Variants in ZMYM2 observed in about 807,000 individuals in gnomAD.
ZMYM2 encodes zinc finger MYM-type protein 2.
Under a neutral mutation model 162.8 loss-of-function variants are expected in ZMYM2, and 56 were observed. That is an observed-to-expected ratio of 0.34 (90% CI 0.28 to 0.43). The LOEUF is 0.43. Ranked by LOEUF, ZMYM2 falls within the 20% of genes least tolerant of loss-of-function variation. The probability of loss-of-function intolerance (pLI) is 1.00; values close to 1 mark genes in which losing one functional copy is unlikely to be tolerated. For missense variants in ZMYM2, 1,275 were observed against 1,621.8 expected (o/e 0.79, Z 3.67); for synonymous variants, 510 against 541.6 (o/e 0.94, Z 0.81).
At chr13:19,939,365 C>G in the ZMYM2 span, among the ~76,000 whole-genome samples, 1 of 151,628 alleles carries the variant, frequency 6.6e-6, no homozygotes, top group Admixed American at 6.6e-5. Context: ...TAATACTTAT[C>G]TAAATTTAAA....
intron 2 of ZMYM2, among the ~76,000 whole-genome samples, chr13:19,983,999 A>G (rs1002236245): frequency 2.0e-5 from 3 of 152,194 alleles, no homozygotes; most frequent in African/African-American, 7.2e-5. Context: ...ATGAATACAT[A>G]CTGACTTATA....
chr13:20,018,551 C>G (rs771051226), intron 6 of ZMYM2, among the ~76,000 whole-genome samples: 5 of 152,124 alleles, frequency 3.3e-5, no homozygotes, highest in Non-Finnish European at 7.4e-5. Flanking sequence ...TTTATCTGTG[C>G]TCTCATTGCT....
chr13:19,959,187 G>T (rs1954873124), intron 1 of ZMYM2, among the ~76,000 whole-genome samples: 1 of 148,178 alleles, frequency 6.7e-6, no homozygotes, highest in African/African-American at 2.4e-5. Flanking sequence ...GCGGCGGGAC[G>T]GCGGGACGGC....
the ZMYM2 span, among the ~76,000 whole-genome samples, chr13:19,887,480 G>T: frequency 2.0e-5 from 3 of 151,226 alleles, no homozygotes; most frequent in South Asian, 6.2e-4. Context: ...AGTGAGCCGA[G>T]ATAGTGCCAC....
At chr13:20,058,761 A>AAT (rs1160546976) in intron 15 of ZMYM2, 57 bp downstream of exon 15, 1 of 1,593,000 alleles carries the variant, frequency 6.3e-7, no homozygotes, top group Non-Finnish European at 8.6e-7. Context: ...CACCTAATGA[A>AAT]ATACATGCTT....
At chr13:19,933,348 T>A in the ZMYM2 span, among the ~76,000 whole-genome samples, 1 of 152,210 alleles carries the variant, frequency 6.6e-6, no homozygotes, top group East Asian at 1.9e-4. Flanking sequence ...AGTGTTGTTG[T>A]TGTTGTAACT....
the ZMYM2 span, among the ~76,000 whole-genome samples, chr13:19,936,410 G>A: frequency 4.6e-5 from 7 of 152,256 alleles, no homozygotes; most frequent in East Asian, 1.4e-3. Flanking sequence ...ATTAGGAAGA[G>A]GTACGTAATT....
At chr13:20,010,222 G>A (rs79875954) in intron 6 of ZMYM2, among the ~76,000 whole-genome samples, 2,615 of 152,130 alleles carry the variant, frequency 0.017, 36 homozygotes, top group Middle Eastern at 0.051. Context: ...TTGAGACAGA[G>A]TCTCGCTCTG....
chr13:19,956,071 A>G (rs1469926937), upstream of ZMYM2, among the ~76,000 whole-genome samples: 1 of 152,242 alleles, frequency 6.6e-6, no homozygotes, highest in African/African-American at 2.4e-5. Flanking sequence ...CAGTTGTGCA[A>G]TCATTTCAGT....
chr13:19,953,682 CAA>C (rs35266783), upstream of ZMYM2, among the ~76,000 whole-genome samples: 299 of 75,302 alleles, frequency 4.0e-3, no homozygotes, highest in African/African-American at 0.015. Flanking sequence ...GACTCTGTCT[CAA>C]AAAAAAAAAA....
At chr13:19,957,463 T>C (rs1954612200), upstream of ZMYM2, among the ~76,000 whole-genome samples, 1 of 152,148 alleles carries the variant, frequency 6.6e-6, no homozygotes, top group African/African-American at 2.4e-5. Flanking sequence ...GTCTTGGAAA[T>C]GGTTCAGCAC....
the ZMYM2 span, among the ~76,000 whole-genome samples, chr13:19,942,922 GC>G: frequency 2.0e-5 from 3 of 152,060 alleles, no homozygotes; most frequent in African/African-American, 7.2e-5. Flanking sequence ...GGAATTACAT[GC>G]TAAAAGCTAT....
At chr13:19,928,978 T>C in the ZMYM2 span, among the ~76,000 whole-genome samples, 3 of 152,024 alleles carry the variant, frequency 2.0e-5, no homozygotes, top group Non-Finnish European at 4.4e-5. Context: ...ATTTATAGCT[T>C]TGGTTGAGAC....
chr13:20,075,096 G>A (rs1296388375), intron 21 of ZMYM2, among the ~76,000 whole-genome samples: 1 of 152,144 alleles, frequency 6.6e-6, no homozygotes, highest in East Asian at 1.9e-4. Context: ...GATAACTAAA[G>A]TAAACTTTCC....
intron 2 of ZMYM2, among the ~76,000 whole-genome samples, chr13:19,970,941 A>G (rs1336655800): frequency 2.0e-5 from 3 of 150,758 alleles, no homozygotes; most frequent in African/African-American, 7.4e-5. Flanking sequence ...AGCAGAGAAT[A>G]GACGGAAGCG....
At chr13:19,991,751 T>C (rs1949648346) in intron 2 of ZMYM2, among the ~76,000 whole-genome samples, 1 of 151,910 alleles carries the variant, frequency 6.6e-6, no homozygotes. Context: ...CTCTTCAGTC[T>C]CCTGAGTAGT....
At chr13:19,884,451 G>C in the ZMYM2 span, among the ~76,000 whole-genome samples, 5 of 152,178 alleles carry the variant, frequency 3.3e-5, no homozygotes, top group African/African-American at 1.2e-4. Flanking sequence ...GGCGGCGGGC[G>C]GCCGTGGTCC....
intron 3 of ZMYM2, among the ~76,000 whole-genome samples, chr13:19,996,890 CAAAT>C (rs970777708): frequency 7.2e-5 from 11 of 152,202 alleles, no homozygotes; most frequent in South Asian, 6.2e-4. Flanking sequence ...TTGTCTAAAA[CAAAT>C]AAAGAAAGCT....
intron 14 of ZMYM2, among the ~76,000 whole-genome samples, chr13:20,053,220 T>A (rs1955515170): frequency 6.6e-6 from 1 of 152,188 alleles, no homozygotes; most frequent in Non-Finnish European, 1.5e-5. Context: ...TGGGAGTCAT[T>A]TATTGGCAAT....
Sources: gnomAD v4.1 joint callset for allele counts (sites outside exome capture counted in the v4.1 genomes callset) on GRCh38, gnomAD v4.1.1 for gene constraint, MANE v1.5 for transcripts, NCBI Gene and HGNC (gene_info 2026-07-23, HGNC 2026-07-21) for gene names.